The following VAT1L variants were observed in gnomAD, a reference collection of about 807,000 sequenced individuals.
The protein encoded by VAT1L is putative NADPH-dependent quinone oxidoreductase VAT1L.
A neutral mutation model predicts 44.1 loss-of-function variants in VAT1L; 34 were observed. That is an observed-to-expected ratio of 0.77 (90% CI 0.59 to 1.03). The LOEUF (loss-of-function observed/expected upper bound fraction) is 1.03. VAT1L is among the 50% of genes least tolerant of loss of function. The pLI is 0.00. For missense variants in VAT1L, 615 were observed against 538.8 expected (o/e 1.14, Z -1.40); for synonymous variants, 253 against 202.2 (o/e 1.25, Z -2.13).
At chr16:77,942,991 C>T (rs1055478783) in intron 7 of VAT1L, among the ~76,000 whole-genome samples, 10 of 151,806 alleles carry the variant, frequency 6.6e-5, no homozygotes, top group East Asian at 1.9e-4. Flanking sequence ...GTGATCTGCC[C>T]GCCTCGGCCT....
At chr16:77,907,159 A>C (rs568735117) in intron 7 of VAT1L, among the ~76,000 whole-genome samples, 6 of 152,332 alleles carry the variant, frequency 3.9e-5, no homozygotes, top group Non-Finnish European at 7.3e-5. Context: ...CATCGTGACC[A>C]ATAGCGGGTT....
At chr16:77,853,678 G>C (rs1358080238) in intron 3 of VAT1L, among the ~76,000 whole-genome samples, 1 of 152,074 alleles carries the variant, frequency 6.6e-6, no homozygotes, top group Non-Finnish European at 1.5e-5. Flanking sequence ...ATAAGTCTGG[G>C]TTGGAGCCTG....
At chr16:77,965,440 A>G (rs986644949) in intron 7 of VAT1L, among the ~76,000 whole-genome samples, 2 of 152,168 alleles carry the variant, frequency 1.3e-5, no homozygotes, top group East Asian at 3.9e-4. Context: ...AGTGTCAGAG[A>G]AAGTCCAGAT....
intron 7 of VAT1L, among the ~76,000 whole-genome samples, chr16:77,968,879 C>T (rs1007357270): frequency 1.3e-5 from 2 of 152,118 alleles, no homozygotes; most frequent in South Asian, 2.1e-4. Context: ...AGCACAGTGG[C>T]GCGATTTCAG....
At chr16:77,953,315 C>A (rs1033643186) in intron 7 of VAT1L, among the ~76,000 whole-genome samples, 1 of 152,144 alleles carries the variant, frequency 6.6e-6, no homozygotes, top group South Asian at 2.1e-4. Context: ...TAGACAGCAA[C>A]CCTAGGAAAC....
intron 7 of VAT1L, among the ~76,000 whole-genome samples, chr16:77,893,253 A>G (rs2017287380): frequency 6.6e-6 from 1 of 152,196 alleles, no homozygotes; most frequent in Non-Finnish European, 1.5e-5. Context: ...GAATATAGGT[A>G]AGCCACCAAC....
At chr16:77,842,295 G>A (rs560378198) in intron 3 of VAT1L, among the ~76,000 whole-genome samples, 1 of 152,196 alleles carries the variant, frequency 6.6e-6, no homozygotes, top group East Asian at 1.9e-4. Flanking sequence ...CACTCCTGTA[G>A]ATCTATAGAT....
chr16:77,960,231 G>C (rs896593850), intron 7 of VAT1L, among the ~76,000 whole-genome samples: 3 of 152,254 alleles, frequency 2.0e-5, no homozygotes, highest in East Asian at 1.9e-4. Flanking sequence ...TGGCTTGCTT[G>C]CCACTGTCTT....
At chr16:77,827,479 A>G (rs934886890) in intron 3 of VAT1L, among the ~76,000 whole-genome samples, 2 of 152,250 alleles carry the variant, frequency 1.3e-5, no homozygotes, top group African/African-American at 4.8e-5. Flanking sequence ...AGAAGTTTTT[A>G]TCGTGCTCTA....
chr16:77,840,431 C>T (rs765511818), intron 3 of VAT1L, among the ~76,000 whole-genome samples: 1 of 152,112 alleles, frequency 6.6e-6, no homozygotes, highest in Non-Finnish European at 1.5e-5. Flanking sequence ...TAGCATAAAG[C>T]TAGTAGTTAG....
Position 77,817,070 on chromosome 16 carries a change from TGAAG to T in VAT1L, c.363+21_363+24del. The T allele has an allele frequency of 6.2e-7, 1 of 1,605,098 alleles. No individual in the cohort carries two copies. The highest frequency in any genetic ancestry group is 8.5e-7 in the Non-Finnish European group (1 of 1,177,158). On this transcript the variant is annotated intron_variant, in intron 2 of 8. Coordinates refer to ENST00000302536, the MANE Select transcript of VAT1L (RefSeq NM_020927.3). ...TATGAGGTAATGTTTGGCTCTCAAT[TGAAG>T]AGTAATATTCATTTGGAATCCATTG... is the stretch of plus-strand genomic sequence containing the variant.
At chr16:77,858,805 C>A (rs1198334570) in intron 3 of VAT1L, among the ~76,000 whole-genome samples, 1 of 151,948 alleles carries the variant, frequency 6.6e-6, no homozygotes, top group African/African-American at 2.4e-5. Context: ...TCTAGACCAG[C>A]CTGGGTAACA....
chr16:77,942,679 G>A (rs1330173389), intron 7 of VAT1L, among the ~76,000 whole-genome samples: 2 of 152,138 alleles, frequency 1.3e-5, no homozygotes, highest in African/African-American at 4.8e-5. Flanking sequence ...ACTTACATGT[G>A]CAGATAGAGC....
At chr16:77,841,399 T>C (rs1023879263) in intron 3 of VAT1L, among the ~76,000 whole-genome samples, 1 of 152,236 alleles carries the variant, frequency 6.6e-6, no homozygotes, top group African/African-American at 2.4e-5. Flanking sequence ...ACATTTTTTA[T>C]GAGCATTGAG....
At chr16:77,800,702 T>C (rs955637617) in intron 1 of VAT1L, 6 of 152,234 alleles carry the variant, frequency 3.9e-5, no homozygotes, top group Non-Finnish European at 5.9e-5. Flanking sequence ...CTGCCTGCGC[T>C]GTGGCACATT....
At chr16:77,839,935 C>T (rs2091359796) in intron 3 of VAT1L, among the ~76,000 whole-genome samples, 1 of 152,146 alleles carries the variant, frequency 6.6e-6, no homozygotes, top group African/African-American at 2.4e-5. Flanking sequence ...TCTATGATGG[C>T]ATAGAGTTGA....
At chr16:77,948,856 T>C (rs928866633) in intron 7 of VAT1L, among the ~76,000 whole-genome samples, 2 of 152,182 alleles carry the variant, frequency 1.3e-5, no homozygotes, top group Admixed American at 6.5e-5. Flanking sequence ...TATGGTACAT[T>C]CCTCATAGGG....
At chr16:77,922,840 C>T (rs946530850) in intron 7 of VAT1L, among the ~76,000 whole-genome samples, 2 of 152,208 alleles carry the variant, frequency 1.3e-5, no homozygotes, top group African/African-American at 2.4e-5. Context: ...CAACCCATGC[C>T]ACTCTCACTG....
At chr16:77,891,621 G>T (rs2017266686) in intron 7 of VAT1L, among the ~76,000 whole-genome samples, 1 of 152,178 alleles carries the variant, frequency 6.6e-6, no homozygotes, top group Non-Finnish European at 1.5e-5. Flanking sequence ...TTACCTCCAT[G>T]TTAATGACTA....
Sources: allele counts gnomAD v4.1 joint callset (sites outside exome capture counted in the v4.1 genomes callset), GRCh38; gene constraint gnomAD v4.1.1; transcripts MANE v1.5; gene names NCBI Gene and HGNC (gene_info 2026-07-23, HGNC 2026-07-21).